The following LARP4B variants were observed in gnomAD, a reference collection of about 807,000 sequenced individuals.
LARP4B encodes the protein la-related protein 4B.
LARP4B carries 12 observed loss-of-function variants against 89.8 expected under a neutral mutation model. That is an observed-to-expected ratio of 0.13 (90% CI 0.09 to 0.22). The LOEUF is 0.22. LARP4B is among the 10% of genes least tolerant of loss of function. LARP4B has a pLI of 1.00. For synonymous variants in LARP4B, 367 were observed against 363.3 expected (o/e 1.01, Z -0.12); for missense variants, 757 against 947.7 (o/e 0.80, Z 2.64).
chr10:973,221 C>T, the LARP4B span, among the ~76,000 whole-genome samples: 30 of 152,240 alleles, frequency 2.0e-4, no homozygotes, highest in East Asian at 3.5e-3. Flanking sequence ...GACAACTCAC[C>T]GGGGCAGGGG....
chr10:857,518 G>C (rs1834362646), intron 5 of LARP4B, among the ~76,000 whole-genome samples: 1 of 152,206 alleles, frequency 6.6e-6, no homozygotes, highest in Non-Finnish European at 1.5e-5. Context: ...CTTGAACTGT[G>C]ACCAAGTGGG....
downstream of LARP4B, chr10:808,149 C>G (rs995308580): frequency 3.9e-5 from 6 of 152,240 alleles, no homozygotes; most frequent in African/African-American, 1.4e-4. Flanking sequence ...CCTGCTGACC[C>G]CAGCAGAGCC....
intron 11 of LARP4B, among the ~76,000 whole-genome samples, chr10:828,294 T>G (rs1343692286): frequency 6.6e-6 from 1 of 152,254 alleles, no homozygotes; most frequent in African/African-American, 2.4e-5. Context: ...AAACTCATAC[T>G]TAACCTGAAA....
intron 11 of LARP4B, among the ~76,000 whole-genome samples, chr10:828,921 G>A (rs1047602626): frequency 6.6e-6 from 1 of 152,232 alleles, no homozygotes; most frequent in Non-Finnish European, 1.5e-5. Flanking sequence ...CCAACCATAG[G>A]CCTTAACAAA....
chr10:868,265 G>A (rs187341458), intron 3 of LARP4B, among the ~76,000 whole-genome samples: 52 of 151,240 alleles, frequency 3.4e-4, no homozygotes, highest in African/African-American at 1.2e-3. Context: ...CACTCCTACA[G>A]ATGCACTAAA....
the LARP4B span, among the ~76,000 whole-genome samples, chr10:952,127 A>G: frequency 6.6e-6 from 1 of 151,930 alleles, no homozygotes. Flanking sequence ...TCACAAGGTC[A>G]GGAGATCAAG....
chr10:897,447 T>C (rs778784218), intron 1 of LARP4B, among the ~76,000 whole-genome samples: 1 of 152,168 alleles, frequency 6.6e-6, no homozygotes, highest in Non-Finnish European at 1.5e-5. Context: ...TAAATCTTCA[T>C]AAACTTGTAT....
chr10:982,347 T>C, the LARP4B span, among the ~76,000 whole-genome samples: 1 of 152,170 alleles, frequency 6.6e-6, no homozygotes, highest in Non-Finnish European at 1.5e-5. Context: ...CACCTTGGCC[T>C]CCCAAAGTGC....
chr10:923,429 G>A (rs1837043075), intron 1 of LARP4B, among the ~76,000 whole-genome samples: 2 of 151,496 alleles, frequency 1.3e-5, no homozygotes, highest in African/African-American at 4.9e-5. Context: ...TGGAGAGCCT[G>A]GTATTTACTA....
chr10:908,589 G>A (rs1836564444), intron 1 of LARP4B, among the ~76,000 whole-genome samples: 1 of 152,208 alleles, frequency 6.6e-6, no homozygotes, highest in South Asian at 2.1e-4. Context: ...AGGGGAGGGT[G>A]CCCCACTGGT....
chr10:917,996 G>C (rs1836871514), intron 1 of LARP4B, among the ~76,000 whole-genome samples: 1 of 152,126 alleles, frequency 6.6e-6, no homozygotes, highest in Admixed American at 6.5e-5. Context: ...CTTAACCATT[G>C]TGTTTGAGTT....
downstream of LARP4B, chr10:808,468 G>A (rs1314403978): frequency 1.3e-5 from 2 of 152,130 alleles, no homozygotes; most frequent in African/African-American, 4.8e-5. Context: ...AGGATGACGG[G>A]TGAGTTAAAT....
chr10:909,017 A>G (rs6560859), intron 1 of LARP4B, among the ~76,000 whole-genome samples: 71,530 of 151,990 alleles, frequency 0.47, 17,370 homozygotes, highest in South Asian at 0.67. Flanking sequence ...AGTTGCGGCC[A>G]GGCGCGGTGG....
At chr10:943,868 C>T in the LARP4B span, among the ~76,000 whole-genome samples, 2 of 151,946 alleles carry the variant, frequency 1.3e-5, no homozygotes, top group Non-Finnish European at 2.9e-5. Flanking sequence ...AGCTCCACAA[C>T]ATCAGAGCCG....
the LARP4B span, among the ~76,000 whole-genome samples, chr10:940,032 T>C: frequency 9.2e-3 from 1,332 of 145,426 alleles, 21 homozygotes; most frequent in African/African-American, 0.031. Context: ...TTTTTTTTTT[T>C]TTGAGACGGA....
the LARP4B span, among the ~76,000 whole-genome samples, chr10:950,287 G>C: frequency 6.6e-6 from 1 of 152,078 alleles, no homozygotes; most frequent in African/African-American, 2.4e-5. Context: ...ATATTGTGAT[G>C]CTGGTAAGCA....
intron 1 of LARP4B, among the ~76,000 whole-genome samples, chr10:886,297 A>G (rs998407007): frequency 1.3e-5 from 2 of 152,218 alleles, no homozygotes; most frequent in African/African-American, 4.8e-5. Flanking sequence ...CAGAATGACT[A>G]TTATCAGTCA....
rs115279716 is a variant in LARP4B at position 839,138 on chromosome 10, G to A, written c.647-2632C>T. Among the ~76,000 whole-genome samples the A allele has an allele frequency of 5.5e-3, 840 of 152,308 alleles. 6 individuals are homozygous for A. Among genetic ancestry groups the A allele is most frequent in the African/African-American group, 0.019 (790 of 41,552 alleles). On this transcript the variant is annotated intron_variant, in intron 7 of 17. Coordinates refer to ENST00000316157, the MANE Select transcript of LARP4B (RefSeq NM_015155.3). ...AGGGATGCACGGGTGGAACTCAGAG[G>A]ACGTTTAGGTCAGTAAAATTACCCT...
rs145264719 is a variant in LARP4B at position 891,323 on chromosome 10, G to A, written c.-39-5563C>T. Among the ~76,000 whole-genome samples, 451 of 152,218 alleles carry A rather than the reference G, an allele frequency of 3.0e-3. 5 individuals are homozygous for A. The highest frequency in any genetic ancestry group is 0.027 in the Admixed American group (412 of 15,288). ...ACACACGCTGGTCAGTCAGACTATG[G>A]CTTTACTTGGATAAAGGAAACAAAC... On this transcript the variant is annotated intron_variant, in intron 1 of 17. Transcript: ENST00000316157.
Sources: gnomAD v4.1 joint callset for allele counts (sites outside exome capture counted in the v4.1 genomes callset) on GRCh38, gnomAD v4.1.1 for gene constraint, MANE v1.5 for transcripts, NCBI Gene and HGNC (gene_info 2026-07-23, HGNC 2026-07-21) for gene names.